WDR35: variants seen among roughly 807,000 people sequenced by gnomAD.
WDR35 encodes WD repeat-containing protein 35.
WDR35 carries 118 observed loss-of-function variants against 158.3 expected under a neutral mutation model. The ratio of observed to expected loss-of-function variants is 0.75; its 90% confidence interval spans 0.64 to 0.87. The LOEUF (loss-of-function observed/expected upper bound fraction) is 0.87, where lower values mean the gene tolerates loss of function less well. Ranked by LOEUF, WDR35 falls within the 40% of genes least tolerant of loss-of-function variation. The probability of loss-of-function intolerance (pLI) is 0.00; values close to 1 mark genes in which losing one functional copy is unlikely to be tolerated. For synonymous variants in WDR35, 448 were observed against 476.1 expected, an observed-to-expected ratio of 0.94 and a Z score of 0.77; for missense variants, 1,263 against 1,405.8, an observed-to-expected ratio of 0.90 and a Z score of 1.62.
chr2:19,972,558 C>CA (rs1473278988), intron 8 of WDR35, among the ~76,000 whole-genome samples: 1 of 148,606 alleles, frequency 6.7e-6, no homozygotes, highest in Non-Finnish European at 1.5e-5. Context: ...GAAAACTATG[C>CA]TTTTTTTTTT....
At chr2:19,976,420 C>T (rs1422577722) in intron 5 of WDR35, among the ~76,000 whole-genome samples, 2 of 152,148 alleles carry the variant, frequency 1.3e-5, no homozygotes, top group Admixed American at 6.5e-5. Context: ...TTGAAACTGC[C>T]TACAACATAC....
chr2:19,945,899 A>G lies in WDR35; in HGVS notation c.1732T>C (p.Leu578=). The G allele has an allele frequency of 6.2e-7, 1 of 1,613,990 alleles. No individual in the cohort carries two copies. The highest frequency in any genetic ancestry group is 8.5e-7 in the Non-Finnish European group (1 of 1,179,910). The change falls in exon 16 of 27, where the codon TTA becomes CTA. Residue 578 remains leucine (L), a synonymous_variant. Transcript: ENST00000281405. ...STGQQVVGEL[L]KLERRDVWDM... ...CAGACATCTCTTCGTTCCAATTTTA[A>G]CAACTCTCCAACTACTTGCTGTCCC...
chr2:19,948,034 C>T, intron 14 of WDR35, 130 bp downstream of exon 14: 1 of 705,816 alleles, frequency 1.4e-6, no homozygotes, highest in Non-Finnish European at 2.3e-6. Context: ...ATTTCCTGGC[C>T]TCAAGCAATC....
At chr2:19,939,483 C>T (rs184582399) in intron 17 of WDR35, among the ~76,000 whole-genome samples, 2 of 152,204 alleles carry the variant, frequency 1.3e-5, no homozygotes, top group Non-Finnish European at 2.9e-5. Flanking sequence ...AAAATATTAT[C>T]TAAAAGTCTA....
chr2:19,957,204 T>C (rs1671473918), intron 11 of WDR35, among the ~76,000 whole-genome samples: 1 of 152,218 alleles, frequency 6.6e-6, no homozygotes, highest in Non-Finnish European at 1.5e-5. Context: ...ACATGGTTGC[T>C]ATTGTTCTTT....
At chr2:19,989,686 T>A (rs1465980881) in intron 1 of WDR35, among the ~76,000 whole-genome samples, 3 of 152,180 alleles carry the variant, frequency 2.0e-5, no homozygotes, top group Non-Finnish European at 4.4e-5. Context: ...ATCACGTGGA[T>A]CAGCAACAAG....
chr2:19,917,187 A>G (rs978317201), intron 25 of WDR35, among the ~76,000 whole-genome samples: 4 of 152,220 alleles, frequency 2.6e-5, no homozygotes, highest in African/African-American at 9.6e-5. Context: ...ACAGAAAGGA[A>G]TAGTATCAAC....
Position 19,980,715 on chromosome 2 carries a change from T to C in WDR35, c.283A>G (p.Ile95Val), listed in dbSNP as rs746252986. The change falls in exon 4 of 27, where the codon ATC (isoleucine) becomes GTC (valine). Residue 95 changes from isoleucine (I) to valine (V), a missense_variant. Physicochemically the swap from Ile to Val is conservative, Grantham distance 29 (BLOSUM62 3). Transcript: ENST00000281405. ...KLTTSDENGLIIVWMLYKGSW... is the reference protein window; with the variant it reads ...KLTTSDENGLVIVWMLYKGSW... ...CCTTTATATAACATCCACACAATGA[T>C]AAGCCCGTTTTCATCACTGGTAGTC... 1 of 1,613,608 alleles carries C rather than the reference T, an allele frequency of 6.2e-7. No homozygotes were observed. The highest frequency in any genetic ancestry group is 8.5e-7 in the Non-Finnish European group (1 of 1,179,732).
intron 2 of WDR35, among the ~76,000 whole-genome samples, chr2:19,984,923 C>T (rs2103467993): frequency 6.6e-6 from 1 of 152,230 alleles, no homozygotes; most frequent in East Asian, 1.9e-4. Flanking sequence ...GAGATGGTAC[C>T]ATATTCGCCA....
intron 8 of WDR35, among the ~76,000 whole-genome samples, chr2:19,972,774 A>G (rs1672071273): frequency 6.6e-6 from 1 of 152,066 alleles, no homozygotes; most frequent in Non-Finnish European, 1.5e-5. Context: ...CCAAAAATAT[A>G]TATCACTGTA....
At chr2:19,941,579 T>C (rs1468144098) in intron 17 of WDR35, among the ~76,000 whole-genome samples, 180 bp downstream of exon 17, 1 of 152,168 alleles carries the variant, frequency 6.6e-6, no homozygotes, top group African/African-American at 2.4e-5. Flanking sequence ...TACAGGAAAG[T>C]AAAGTGAAGC....
intron 25 of WDR35, among the ~76,000 whole-genome samples, chr2:19,919,291 G>C (rs1279905407): frequency 6.8e-6 from 1 of 146,780 alleles, no homozygotes; most frequent in East Asian, 2.1e-4. Flanking sequence ...TGAGGCAGGA[G>C]AATGGTGTGA....
At chr2:19,942,577 C>A (rs1301933656) in intron 16 of WDR35, among the ~76,000 whole-genome samples, 7 of 144,156 alleles carry the variant, frequency 4.9e-5, no homozygotes, top group South Asian at 2.2e-4. Flanking sequence ...CAAGACAGTG[C>A]AACAAAACAA....
intron 2 of WDR35, among the ~76,000 whole-genome samples, chr2:19,985,953 C>T (rs1008372320): frequency 2.3e-5 from 3 of 132,306 alleles, no homozygotes; most frequent in African/African-American, 8.5e-5. Flanking sequence ...GTGTCAAGAA[C>T]GACTAAGAGG....
At chr2:19,967,716 G>GT (rs1465301437) in intron 9 of WDR35, among the ~76,000 whole-genome samples, 2 of 151,910 alleles carry the variant, frequency 1.3e-5, no homozygotes, top group African/African-American at 4.8e-5. Context: ...TCTAAAATAA[G>GT]TTTTTTTACT....
At chr2:19,985,605 C>T (rs1295973582) in intron 2 of WDR35, among the ~76,000 whole-genome samples, 1 of 149,232 alleles carries the variant, frequency 6.7e-6, no homozygotes, top group African/African-American at 2.5e-5. Flanking sequence ...AAAAAAGGGC[C>T]GGGCGCAGTG....
At chr2:19,972,375 C>A (rs1437045090) in intron 8 of WDR35, among the ~76,000 whole-genome samples, 1 of 152,128 alleles carries the variant, frequency 6.6e-6, no homozygotes, top group East Asian at 1.9e-4. Context: ...GACTTTAGAA[C>A]CCATGTTTTT....
In WDR35 at chr2:19,974,495, G is replaced by C. The variant is rs760952863; in HGVS notation, c.709C>G (p.Gln237Glu). ...LAVCFDNGRCQIMRHENDQNP... is the reference protein window; with the variant it reads ...LAVCFDNGRCEIMRHENDQNP... ...TGGTCATTCTCATGTCTCATTATTT[G>C]GCATCTTCCATTATCAAAGCAAACA... is the stretch of plus-strand genomic sequence containing the variant. The change falls in exon 7 of 27, where the codon CAA becomes GAA. Residue 237 changes from glutamine to glutamate, a missense_variant. Coordinates refer to ENST00000281405, the MANE Select transcript of WDR35 (RefSeq NM_020779.4). 1.9e-6 allele frequency: 3 copies of C among 1,610,776 alleles called. No individual in the cohort carries two copies. The Admixed American group carries it at 5.0e-5, about 27-fold the overall frequency.
chr2:19,982,975 T>C (rs1191710480), intron 2 of WDR35, among the ~76,000 whole-genome samples: 3 of 152,228 alleles, frequency 2.0e-5, no homozygotes, highest in African/African-American at 7.2e-5. Context: ...CACTGTGCTA[T>C]GCATTACAAA....
Sources: allele counts gnomAD v4.1 joint callset (sites outside exome capture counted in the v4.1 genomes callset), GRCh38; gene constraint gnomAD v4.1.1; transcripts MANE v1.5; gene names NCBI Gene and HGNC (gene_info 2026-07-23, HGNC 2026-07-21).